ATPAF2: variants seen among roughly 807,000 people sequenced by gnomAD.
ATPAF2 encodes the protein ATP synthase mitochondrial F1 complex assembly factor 2.
A neutral mutation model predicts 36.6 loss-of-function variants in ATPAF2; 30 were observed. That is an observed-to-expected ratio of 0.82 (90% confidence interval 0.61 to 1.11). The LOEUF is 1.11. ATPAF2 is among the 50% of genes most tolerant of loss of function. The pLI is 0.00. For synonymous variants in ATPAF2, 140 were observed against 152.6 expected, an observed-to-expected ratio of 0.92 and a Z score of 0.61; for missense variants, 321 against 372.3, an observed-to-expected ratio of 0.86 and a Z score of 1.13.
At chr17:18,028,076 A>G in intron 3 of ATPAF2, 156 bp downstream of exon 3, 1 of 857,198 alleles carries the variant, frequency 1.2e-6, no homozygotes. Flanking sequence ...ACAAGGAAAG[A>G]GTTTAGCACG....
intron 5 of ATPAF2, among the ~76,000 whole-genome samples, chr17:18,023,837 G>GA (rs2044505838): frequency 1.3e-5 from 2 of 152,200 alleles, no homozygotes; most frequent in Non-Finnish European, 2.9e-5. Context: ...GTAGTACCAT[G>GA]AAAGCCAGCC....
At chr17:18,026,732 C>A in intron 3 of ATPAF2, 1 of 449,212 alleles carries the variant, frequency 2.2e-6, no homozygotes, top group Non-Finnish European at 4.1e-6. Flanking sequence ...CTCACAACAA[C>A]CTTTTGGAGT....
intron 1 of ATPAF2, among the ~76,000 whole-genome samples, chr17:18,029,609 G>C (rs1597673815): frequency 6.7e-6 from 1 of 149,124 alleles, no homozygotes; most frequent in East Asian, 2.0e-4. Context: ...TTTTTTTTTT[G>C]AAATGGCGTC....
intron 5 of ATPAF2, among the ~76,000 whole-genome samples, chr17:18,023,938 A>T (rs1047608606): frequency 6.6e-6 from 1 of 152,244 alleles, no homozygotes; most frequent in African/African-American, 2.4e-5. Flanking sequence ...GAGTCTTCCT[A>T]TTAAAGAAAA....
chr17:18,034,635 T>A (rs2044680114), intron 1 of ATPAF2, among the ~76,000 whole-genome samples: 1 of 152,130 alleles, frequency 6.6e-6, no homozygotes, highest in African/African-American at 2.4e-5. Flanking sequence ...CTGGTGGAAA[T>A]GTGAAATGGC....
intron 4 of ATPAF2, 49 bp downstream of exon 4, chr17:18,026,270 G>T: frequency 6.5e-7 from 1 of 1,529,334 alleles, no homozygotes; most frequent in Non-Finnish European, 9.1e-7. Context: ...GGGCAAATCA[G>T]GAAAAATAGC....
At chr17:18,016,062 A>G (rs762569885), downstream of ATPAF2, 65 of 1,613,096 alleles carry the variant, frequency 4.0e-5, no homozygotes, top group Non-Finnish European at 5.5e-5. Flanking sequence ...TTCACTCACC[A>G]GCTTTTTGTC....
intron 3 of ATPAF2, chr17:18,026,625 A>G (rs1186326647): frequency 2.0e-5 from 12 of 602,602 alleles, no homozygotes; most frequent in East Asian, 8.4e-5. Flanking sequence ...TGACGCTCAC[A>G]GGACTCGAGG....
intron 4 of ATPAF2, 197 bp downstream of exon 4, chr17:18,026,122 C>T (rs2044541648): frequency 1.5e-6 from 1 of 657,070 alleles, no homozygotes; most frequent in Admixed American, 2.1e-5. Flanking sequence ...GAGGGGTGGC[C>T]ATGTTCTGAC....
chr17:18,016,956 G>A (rs150055186), downstream of ATPAF2: 3 of 245,320 alleles, frequency 1.2e-5, no homozygotes, highest in East Asian at 9.6e-5. Context: ...TGCAGATCAC[G>A]AGGTCAGGAG....
chr17:18,030,830 CTTTTTTT>C (rs34365252), intron 1 of ATPAF2, among the ~76,000 whole-genome samples: 82 of 80,112 alleles, frequency 1.0e-3, no homozygotes, highest in African/African-American at 3.6e-3. Context: ...CCACGCCTGG[CTTTTTTT>C]TTTTTTTTTT....
chr17:18,016,362 T>G (rs190448435), downstream of ATPAF2: 5,386 of 879,566 alleles, frequency 6.1e-3, 31 homozygotes, highest in Non-Finnish European at 8.0e-3. Flanking sequence ...CCAGAGACTT[T>G]AAAACCCATG....
rs757840763 is a variant in ATPAF2 at position 18,021,747 on chromosome 17, T to G, written c.614A>C (p.Gln205Pro). The change falls in exon 6 of 8, where the codon CAA becomes CCA. Residue 205 changes from glutamine (Q) to proline (P), a missense_variant and splice_region_variant. By Grantham distance (76) the Gln-to-Pro change is moderately conservative (BLOSUM62 -1). Coordinates refer to ENST00000474627, the MANE Select transcript of ATPAF2 (RefSeq NM_145691.4). ...CCCACAAGAAACTCCATACATGCCT[T>G]GTAAAGCCCATGTGTTGTAAGATGC... ...HLASYNTWALQGIEFVAAQLK... is the reference protein window; with the variant it reads ...HLASYNTWALPGIEFVAAQLK... 3 of 1,613,762 alleles carry G rather than the reference T, an allele frequency of 1.9e-6. No individual in the cohort carries two copies. Among genetic ancestry groups the G allele is most frequent in the Non-Finnish European group, 2.5e-6 (3 of 1,179,846 alleles).
At chr17:18,028,929 C>T (rs186693329) in intron 1 of ATPAF2, among the ~76,000 whole-genome samples, 3 of 152,168 alleles carry the variant, frequency 2.0e-5, no homozygotes, top group Non-Finnish European at 4.4e-5. Context: ...CAAGTCTGAT[C>T]AGGAGCATCT....
At position 18,028,400 on chromosome 17, in the gene ATPAF2, T is replaced by G. The variant is rs1380895577; in HGVS notation, c.179-23A>C. ...CACCTTGAAAGATCAAATGAAAAAC[T>G]CTCAGGGATTTGTTAAGTGGAATCA... On this transcript the variant is annotated intron_variant, in intron 2 of 7. Coordinates refer to ENST00000474627, the MANE Select transcript of ATPAF2 (RefSeq NM_145691.4). 3 of 1,612,734 alleles carry G rather than the reference T, an allele frequency of 1.9e-6. No homozygotes were observed. In the South Asian group the frequency reaches 3.3e-5, roughly 18 times the overall value.
Position 18,018,648 on chromosome 17 carries a change from A to G in ATPAF2, c.771T>C (p.Tyr257=). ...KWGNIEWAHD[Y]ELQELRARTA... ...TGCGGGCCCGCAGCTCCTGCAGCTC[A>G]TAGTCATGGGCCCACTCAATGTTGC... The change falls in exon 8 of 8, where the codon TAT becomes TAC. Residue 257 remains tyrosine, a synonymous_variant. Coordinates refer to ENST00000474627, the MANE Select transcript of ATPAF2 (RefSeq NM_145691.4). 1 of 1,614,108 alleles carries G rather than the reference A, an allele frequency of 6.2e-7. No homozygotes were observed. Among genetic ancestry groups the G allele is most frequent in the Non-Finnish European group, 8.5e-7 (1 of 1,180,018 alleles).
At position 18,038,974 on chromosome 17, in the gene ATPAF2, G is replaced by A. The variant is rs143241583; in HGVS notation, c.40C>T (p.Arg14Cys). 2 of 1,612,698 alleles carry A rather than the reference G, an allele frequency of 1.2e-6. No individual in the cohort carries two copies. The highest frequency in any genetic ancestry group is 1.7e-6 in the Non-Finnish European group (2 of 1,179,460). The change falls in exon 1 of 8, where the codon CGT becomes TGT. Residue 14 changes from arginine to cysteine, a missense_variant. Physicochemically the swap from Arg to Cys is radical, Grantham distance 180. Coordinates refer to ENST00000474627, the MANE Select transcript of ATPAF2 (RefSeq NM_145691.4). The part of the protein sequence containing the change: ...SCLRLRDGGR[R>C]LLNRPAGGPS... Reference sequence around the variant, plus strand: ...CCACCCGCCGGCCGATTCAGGAGACGGCGTCCCCCGTCCCGCAGCCGGAGG... The same window carrying A: ...CCACCCGCCGGCCGATTCAGGAGACAGCGTCCCCCGTCCCGCAGCCGGAGG...
In ATPAF2 at chr17:18,034,754, A is replaced by G. The variant is rs188362573; in HGVS notation, c.133+4127T>C. ...ATATGTCCAAGAGAAATGAAAACAT[A>G]TGTCCACACAAAAACTTGTACATGA... On this transcript the variant is annotated intron_variant, in intron 1 of 7. Coordinates refer to ENST00000474627, the MANE Select transcript of ATPAF2 (RefSeq NM_145691.4). Among the ~76,000 whole-genome samples the G allele has an allele frequency of 1.7e-3, 253 of 152,190 alleles. 1 individual carries two copies. The highest frequency in any genetic ancestry group is 0.01 in the Middle Eastern group (3 of 294).
intron 1 of ATPAF2, 41 bp from the exon 2 acceptor site, chr17:18,028,700 T>C: frequency 6.3e-7 from 1 of 1,587,340 alleles, no homozygotes; most frequent in Non-Finnish European, 8.6e-7. Flanking sequence ...TAAAATAACG[T>C]TGAGACAACT....
Sources: allele counts gnomAD v4.1 joint callset (sites outside exome capture counted in the v4.1 genomes callset), GRCh38; gene constraint gnomAD v4.1.1; transcripts MANE v1.5; gene names NCBI Gene and HGNC (gene_info 2026-07-23, HGNC 2026-07-21).